Variants in SEC14L1 observed in about 807,000 individuals in gnomAD.
SEC14L1 encodes SEC14 like lipid binding 1.
In SEC14L1, 48 loss-of-function variants were observed where a neutral mutation model predicts 85.3. That is an observed-to-expected ratio of 0.56 (90% CI 0.45 to 0.72). SEC14L1 has a LOEUF of 0.72. Ranked by LOEUF, SEC14L1 falls within the 30% of genes least tolerant of loss-of-function variation. The probability of loss-of-function intolerance (pLI) is 0.00; values close to 1 mark genes in which losing one functional copy is unlikely to be tolerated. For synonymous variants in SEC14L1, 391 were observed against 355.5 expected, an observed-to-expected ratio of 1.10 and a Z score of -1.12; for missense variants, 682 against 921.4, an observed-to-expected ratio of 0.74 and a Z score of 3.36.
intron 1 of SEC14L1, 80 bp downstream of exon 1, chr17:77,141,187 G>GGCCCCCCGGAACTCCCGGCCGC (rs1973005952): frequency 6.6e-6 from 1 of 151,788 alleles, no homozygotes; most frequent in African/African-American, 2.4e-5. Context: ...CTCTCGGGCG[G>GGCCCCCCGGAACTCCCGGCCGC]GCCCCCCGGA....
At chr17:77,193,206 T>C (rs575034766) in intron 5 of SEC14L1, among the ~76,000 whole-genome samples, 6 of 152,366 alleles carry the variant, frequency 3.9e-5, no homozygotes, top group African/African-American at 1.4e-4. Flanking sequence ...TTGAAATGTT[T>C]TTGAACAATT....
At chr17:77,165,679 C>T (rs992017062) in intron 3 of SEC14L1, among the ~76,000 whole-genome samples, 2 of 151,852 alleles carry the variant, frequency 1.3e-5, no homozygotes, top group Non-Finnish European at 2.9e-5. Context: ...TTTTTTTTGC[C>T]ATTATCTTCC....
At chr17:77,153,331 T>G (rs1291449824) in intron 3 of SEC14L1, among the ~76,000 whole-genome samples, 2 of 152,196 alleles carry the variant, frequency 1.3e-5, no homozygotes, top group Non-Finnish European at 2.9e-5. Flanking sequence ...CCTCCCAAAG[T>G]GCTGGGATTA....
chr17:77,132,611 G>A (rs566534154), intron 3 of SEC14L1, among the ~76,000 whole-genome samples: 6 of 152,294 alleles, frequency 3.9e-5, no homozygotes, highest in South Asian at 4.1e-4. Context: ...ATGCCAGGGC[G>A]TATAAGGCCA....
chr17:77,161,915 TTTCTTCTTTCTTC>T lies in SEC14L1; in HGVS notation c.63+18266_63+18278del, dbSNP rs1452771300. Among the ~76,000 whole-genome samples the T allele has an allele frequency of 1.2e-3, 179 of 150,386 alleles. 1 individual carries two copies. The highest frequency in any genetic ancestry group is 3.9e-3 in the African/African-American group (159 of 41,048). On this transcript the variant is annotated intron_variant, in intron 3 of 16. Transcript: ENST00000436233. ...CTCTTTCTCTCTTTCTTTCTCTTCT[TTTCTTCTTTCTTC>T]TTCTTCTTTTTTTTTTTTTAAACAA... is the stretch of plus-strand genomic sequence containing the variant.
At chr17:77,132,575 C>G in intron 3 of SEC14L1, among the ~76,000 whole-genome samples, 1 of 152,178 alleles carries the variant, frequency 6.6e-6, no homozygotes, top group Non-Finnish European at 1.5e-5. Flanking sequence ...TGACATGTCT[C>G]TGTAACTGAC....
intron 6 of SEC14L1, 135 bp downstream of exon 6, chr17:77,193,684 C>T (rs777191964): frequency 8.9e-6 from 8 of 894,568 alleles, no homozygotes; most frequent in Non-Finnish European, 1.2e-5. Context: ...ATCCCTACCC[C>T]CTGCCTCATC....
intron 3 of SEC14L1, among the ~76,000 whole-genome samples, chr17:77,188,758 G>T (rs1013982884): frequency 6.6e-6 from 1 of 152,142 alleles, no homozygotes; most frequent in African/African-American, 2.4e-5. Context: ...TCCTGCCAAT[G>T]ATGTGGAAGG....
At chr17:77,179,155 C>T (rs1974893962) in intron 3 of SEC14L1, among the ~76,000 whole-genome samples, 1 of 152,138 alleles carries the variant, frequency 6.6e-6, no homozygotes, top group Admixed American at 6.5e-5. Context: ...TCACAGCCCT[C>T]CCGGTGTTGG....
intron 3 of SEC14L1, among the ~76,000 whole-genome samples, chr17:77,177,885 G>A (rs1974830769): frequency 6.6e-6 from 1 of 152,028 alleles, no homozygotes. Context: ...ATTTTGACAG[G>A]ACACATGGCT....
chr17:77,196,393 G>A, intron 8 of SEC14L1, 82 bp downstream of exon 8: 3 of 797,108 alleles, frequency 3.8e-6, no homozygotes, highest in Non-Finnish European at 6.1e-6. Context: ...GTCACCAAGA[G>A]TGATATTCCC....
chr17:77,145,566 G>T (rs1231443874), intron 3 of SEC14L1, among the ~76,000 whole-genome samples: 7 of 152,196 alleles, frequency 4.6e-5, no homozygotes, highest in African/African-American at 1.4e-4. Context: ...GCTGTTAACA[G>T]TATTTTATGT....
intron 3 of SEC14L1, among the ~76,000 whole-genome samples, chr17:77,184,987 A>G (rs753816414): frequency 6.6e-5 from 10 of 152,320 alleles, no homozygotes; most frequent in East Asian, 1.9e-4. Flanking sequence ...AACCCTCCAC[A>G]GTTAGAATTG....
Position 77,216,753 on chromosome 17 carries a change from C to A in SEC14L1, c.*2730C>A. 4 of 979,698 alleles carry A rather than the reference C, an allele frequency of 4.1e-6. No individual in the cohort carries two copies. Among genetic ancestry groups the A allele is most frequent in the Non-Finnish European group, 6.0e-6 (4 of 664,996 alleles). The allele number at this position is 979,698 out of a possible 1,614,324, so 60.7% of individuals were successfully genotyped here. The stretch of plus-strand genomic sequence containing the variant: ...TCTTGAAGAGCTCAAAGCACATGAC[C>A]GCACAAATGCTTACAGGGTTTCCTC... On this transcript the variant is annotated 3_prime_UTR_variant, in exon 17 of 17. Coordinates refer to ENST00000436233, the MANE Select transcript of SEC14L1 (RefSeq NM_001143998.2).
intron 9 of SEC14L1, among the ~76,000 whole-genome samples, chr17:77,202,352 C>T (rs912592955): frequency 6.6e-6 from 1 of 152,006 alleles, no homozygotes; most frequent in Non-Finnish European, 1.5e-5. Flanking sequence ...GGCGCGGTGG[C>T]TCACACCTGT....
At chr17:77,143,739 T>C in intron 3 of SEC14L1, 80 bp downstream of exon 3, 1 of 1,041,930 alleles carries the variant, frequency 9.6e-7, no homozygotes, top group Non-Finnish European at 1.5e-6. Flanking sequence ...TCTATAGATT[T>C]ATTGTTCGTC....
rs75817687 is a variant in SEC14L1 at position 77,165,530 on chromosome 17, A to G, written c.63+21871A>G. Among the ~76,000 whole-genome samples, 1,192 of 152,220 alleles carry G rather than the reference A, an allele frequency of 7.8e-3. 20 individuals are homozygous for G. The highest frequency in any genetic ancestry group is 0.027 in the African/African-American group (1,115 of 41,522). ...TGAGTAGAGGGGTGACTTTGAGTGG[A>G]ATGGGAGGCAGATTTGCCTCCCAGT... On this transcript the variant is annotated intron_variant, in intron 3 of 16. Coordinates refer to ENST00000436233, the MANE Select transcript of SEC14L1 (RefSeq NM_001143998.2).
At chr17:77,182,201 A>G (rs1975069953) in intron 3 of SEC14L1, among the ~76,000 whole-genome samples, 1 of 152,094 alleles carries the variant, frequency 6.6e-6, no homozygotes, top group Non-Finnish European at 1.5e-5. Flanking sequence ...GTTTGTTTTG[A>G]ATGGGTTTTT....
At chr17:77,108,924 G>C (rs2585848) in intron 3 of SEC14L1, among the ~76,000 whole-genome samples, 15,185 of 151,546 alleles carry the variant, frequency 0.1, 1,040 homozygotes, top group East Asian at 0.26. Context: ...CCGGTTTCAA[G>C]CGAGTCTTCT....
Sources: gnomAD v4.1 joint callset for allele counts (sites outside exome capture counted in the v4.1 genomes callset) on GRCh38, gnomAD v4.1.1 for gene constraint, MANE v1.5 for transcripts, NCBI Gene and HGNC (gene_info 2026-07-23, HGNC 2026-07-21) for gene names.